The following FAM3C variants were observed in gnomAD, a reference collection of about 807,000 sequenced individuals.
FAM3C encodes protein FAM3C.
FAM3C carries 15 observed loss-of-function variants against 32.5 expected under a neutral mutation model. The ratio of observed to expected loss-of-function variants is 0.46; its 90% confidence interval spans 0.31 to 0.71. FAM3C has a LOEUF of 0.71. Among genes scored for constraint, FAM3C ranks in the 30% least tolerant of loss-of-function variants. FAM3C has a pLI of 0.05. For synonymous variants in FAM3C, 75 were observed against 86.1 expected, an observed-to-expected ratio of 0.87 and a Z score of 0.72; for missense variants, 175 against 274.4, an observed-to-expected ratio of 0.64 and a Z score of 2.56.
intron 3 of FAM3C, among the ~76,000 whole-genome samples, chr7:121,372,844 G>T (rs1794174642): frequency 6.6e-6 from 1 of 152,140 alleles, no homozygotes; most frequent in Admixed American, 6.5e-5. Context: ...ATGTTAACCA[G>T]CTGTCTTGCT....
intron 2 of FAM3C, among the ~76,000 whole-genome samples, chr7:121,379,600 C>T (rs1794310267): frequency 6.6e-6 from 1 of 152,134 alleles, no homozygotes; most frequent in Admixed American, 6.6e-5. Context: ...CTTCTCCATT[C>T]CTGCAGGATA....
intron 1 of FAM3C, among the ~76,000 whole-genome samples, chr7:121,392,669 G>T (rs1794601153): frequency 6.6e-6 from 1 of 152,178 alleles, no homozygotes; most frequent in Admixed American, 6.5e-5. Flanking sequence ...ATGTTAGGTA[G>T]CACACCTGAC....
chr7:121,349,522 A>G lies in FAM3C; in HGVS notation c.*939T>C, dbSNP rs1055261735. On this transcript the variant is annotated 3_prime_UTR_variant, in exon 10 of 10. Transcript: ENST00000359943. ...ACTATAGCTTCGGGCAATAATTGCT[A>G]TTATGAAGTTAGATAAACACAGGAT... 4 of 152,188 alleles carry G rather than the reference A, an allele frequency of 2.6e-5. No homozygotes were observed. Among genetic ancestry groups the G allele is most frequent in the African/African-American group, 9.6e-5 (4 of 41,462 alleles). The allele number at this position is 152,188 out of a possible 1,614,324, so 9.4% of individuals were successfully genotyped here.
chr7:121,386,011 T>C (rs1278737305), intron 1 of FAM3C, among the ~76,000 whole-genome samples: 2 of 152,136 alleles, frequency 1.3e-5, no homozygotes, highest in Non-Finnish European at 2.9e-5. Flanking sequence ...ACTGACACAC[T>C]CTAATATAAG....
chr7:121,365,257 C>T (rs764757350), intron 5 of FAM3C, among the ~76,000 whole-genome samples: 1 of 152,040 alleles, frequency 6.6e-6, no homozygotes, highest in Non-Finnish European at 1.5e-5. Flanking sequence ...TTCTAACAAA[C>T]GTTGGATCTA....
chr7:121,381,243 A>G (rs978803921), intron 2 of FAM3C, among the ~76,000 whole-genome samples: 1 of 152,216 alleles, frequency 6.6e-6, no homozygotes, highest in Non-Finnish European at 1.5e-5. Context: ...GCCAAGAAGT[A>G]CAAACTTCAG....
At chr7:121,382,549 GTTTTTT>G (rs3068115) in intron 2 of FAM3C, among the ~76,000 whole-genome samples, 1 of 130,780 alleles carries the variant, frequency 7.6e-6, no homozygotes, top group African/African-American at 2.8e-5. Context: ...CAGTCTTTAG[GTTTTTT>G]TTTTTTTTTT....
rs186155731 is a variant in FAM3C at position 121,380,596 on chromosome 7, G to T, written c.14-1582C>A. Reference sequence around the variant, plus strand: ...TGAGGATCAAAAAACTACCTATCAGGTACTATGCTTACTACCTGGATGATG... The same window carrying T: ...TGAGGATCAAAAAACTACCTATCAGTTACTATGCTTACTACCTGGATGATG... On this transcript the variant is annotated intron_variant, in intron 2 of 9. Transcript: ENST00000359943. 4.4e-3 allele frequency among the ~76,000 whole-genome samples: 661 copies of T among 151,860 alleles called. 6 individuals carry two copies. Among genetic ancestry groups the T allele is most frequent in the Middle Eastern group, 0.017 (5 of 294 alleles).
intron 2 of FAM3C, 58 bp from the exon 3 acceptor site, chr7:121,379,072 ATTTC>A: frequency 2.2e-6 from 2 of 908,822 alleles, no homozygotes; most frequent in Non-Finnish European, 3.4e-6. Context: ...TTTATTTTGC[ATTTC>A]TATGAAAAAT....
intron 5 of FAM3C, 186 bp from the exon 6 acceptor site, chr7:121,364,374 C>A: frequency 4.1e-6 from 2 of 489,524 alleles, no homozygotes; most frequent in Non-Finnish European, 7.2e-6. Context: ...AATTTTAAAG[C>A]AATGTCCTTA....
intron 2 of FAM3C, 88 bp downstream of exon 2, chr7:121,382,869 A>T: frequency 1.0e-6 from 1 of 994,500 alleles, no homozygotes; most frequent in Non-Finnish European, 1.5e-6. Flanking sequence ...TTCTCAATAT[A>T]AAGATTATTT....
At position 121,395,821 on chromosome 7, in the gene FAM3C, C is replaced by G. The variant is rs138555710; in HGVS notation, c.-42+341G>C. 2.9e-3 allele frequency among the ~76,000 whole-genome samples: 436 copies of G among 152,190 alleles called. 2 individuals carry two copies. The highest frequency in any genetic ancestry group is 0.01 in the African/African-American group (424 of 41,558). ...CACGCTGCAGGGGCGCGAGCCACAG[C>G]CAACCTGGGGAAGATGCGACCCAGG... On this transcript the variant is annotated intron_variant, in intron 1 of 9. Coordinates refer to ENST00000359943, the MANE Select transcript of FAM3C (RefSeq NM_014888.3).
chr7:121,353,087 A>G (rs1027108236), intron 8 of FAM3C, among the ~76,000 whole-genome samples: 10 of 152,220 alleles, frequency 6.6e-5, no homozygotes, highest in African/African-American at 2.4e-4. Flanking sequence ...ACAGGCCTTT[A>G]GGGTGGCTCA....
intron 1 of FAM3C, among the ~76,000 whole-genome samples, chr7:121,391,743 C>T (rs1298577761): frequency 6.6e-6 from 1 of 152,168 alleles, no homozygotes; most frequent in African/African-American, 2.4e-5. Flanking sequence ...GCAGTATTGG[C>T]ACACCATTTG....
At chr7:121,368,140 T>C (rs988402487) in intron 5 of FAM3C, among the ~76,000 whole-genome samples, 6 of 152,322 alleles carry the variant, frequency 3.9e-5, no homozygotes, top group South Asian at 4.1e-4. Context: ...ACCATCCTAA[T>C]TGTAATTATC....
At chr7:121,367,147 G>A (rs942907766) in intron 5 of FAM3C, among the ~76,000 whole-genome samples, 1 of 152,078 alleles carries the variant, frequency 6.6e-6, no homozygotes, top group Non-Finnish European at 1.5e-5. Context: ...AACACAAGTT[G>A]AAATATTTTC....
intron 8 of FAM3C, among the ~76,000 whole-genome samples, chr7:121,357,035 G>A (rs566407912): frequency 1.3e-5 from 2 of 152,218 alleles, no homozygotes; most frequent in African/African-American, 2.4e-5. Context: ...TCCCGAAAAG[G>A]GGCAAAATAT....
At chr7:121,372,089 A>G (rs1431195959) in intron 4 of FAM3C, 21 bp downstream of exon 4, 2 of 1,582,438 alleles carry the variant, frequency 1.3e-6, no homozygotes, top group East Asian at 4.5e-5. Context: ...CATACATAAA[A>G]TATTGAGATG....
chr7:121,360,992 G>C (rs1793909138), intron 7 of FAM3C, among the ~76,000 whole-genome samples: 1 of 152,064 alleles, frequency 6.6e-6, no homozygotes, highest in African/African-American at 2.4e-5. Context: ...AGATTTAAAG[G>C]CTATTTTAGG....
Sources: gnomAD v4.1 joint callset for allele counts (sites outside exome capture counted in the v4.1 genomes callset) on GRCh38, gnomAD v4.1.1 for gene constraint, MANE v1.5 for transcripts, NCBI Gene and HGNC (gene_info 2026-07-23, HGNC 2026-07-21) for gene names.